Variants in DPY19L2 observed in about 807,000 individuals in gnomAD.
The protein encoded by DPY19L2 is probable C-mannosyltransferase DPY19L2.
In DPY19L2, 34 loss-of-function variants were observed where a neutral mutation model predicts 97.9. The ratio of observed to expected loss-of-function variants is 0.35; its 90% confidence interval spans 0.26 to 0.46. DPY19L2 has a LOEUF of 0.46. Ranked by LOEUF, DPY19L2 falls within the 20% of genes least tolerant of loss-of-function variation. The probability of loss-of-function intolerance (pLI) is 1.00; values close to 1 mark genes in which losing one functional copy is unlikely to be tolerated. For synonymous variants in DPY19L2, 230 were observed against 307.9 expected, an observed-to-expected ratio of 0.75 and a Z score of 2.65; for missense variants, 623 against 911.4, an observed-to-expected ratio of 0.68 and a Z score of 4.07.
At chr12:63,609,038 T>G (rs973021075) in intron 11 of DPY19L2, among the ~76,000 whole-genome samples, 3 of 152,100 alleles carry the variant, frequency 2.0e-5, no homozygotes, top group African/African-American at 7.2e-5. Context: ...AACATGAAAA[T>G]CCTTCCTCTC....
Position 63,624,107 on chromosome 12 carries a change from G to T in DPY19L2, c.886C>A (p.Pro296Thr). Reference protein sequence around the residue: ...GEATRVMWTPPLRESFSYPFL... With the variant: ...GEATRVMWTPTLRESFSYPFL... ...GGATAGGAAAAACTTTCACGGAGAG[G>T]TGGTGTCCACATCACACGGGTGGCC... The change falls in exon 8 of 22, where the codon CCT (proline) becomes ACT (threonine). Residue 296 changes from proline (P) to threonine (T), a missense_variant. Physicochemically the swap from Pro to Thr is conservative, Grantham distance 38. Coordinates refer to ENST00000324472, the MANE Select transcript of DPY19L2 (RefSeq NM_173812.5). 1 of 1,611,624 alleles carries T rather than the reference G, an allele frequency of 6.2e-7. No homozygotes were observed. The highest frequency in any genetic ancestry group is 2.2e-5 in the East Asian group (1 of 44,860).
At chr12:63,617,548 T>C (rs1209306613) in intron 10 of DPY19L2, among the ~76,000 whole-genome samples, 158 bp from the exon 11 acceptor site, 1 of 152,144 alleles carries the variant, frequency 6.6e-6, no homozygotes, top group African/African-American at 2.4e-5. Flanking sequence ...TGCTAGATTC[T>C]AAGTATTAAA....
At chr12:63,590,743 C>A (rs1882750550) in intron 16 of DPY19L2, among the ~76,000 whole-genome samples, 1 of 152,066 alleles carries the variant, frequency 6.6e-6, no homozygotes, top group Non-Finnish European at 1.5e-5. Flanking sequence ...GGGAGCAGAT[C>A]TAAGAGAGGG....
chr12:63,655,494 T>C (rs141608235), intron 4 of DPY19L2, among the ~76,000 whole-genome samples: 9 of 152,084 alleles, frequency 5.9e-5, no homozygotes, highest in Admixed American at 1.3e-4. Flanking sequence ...AGGAAATACA[T>C]AATGGGCATG....
intron 7 of DPY19L2, among the ~76,000 whole-genome samples, chr12:63,625,841 A>C (rs2659933): frequency 6.6e-6 from 1 of 151,878 alleles, no homozygotes; most frequent in South Asian, 2.1e-4. Context: ...GCTATACAAC[A>C]TTGTGTTAAT....
At chr12:63,663,974 C>T (rs1896016795) in intron 2 of DPY19L2, 129 bp from the exon 3 acceptor site, 10 of 645,334 alleles carry the variant, frequency 1.5e-5, no homozygotes, top group Non-Finnish European at 2.6e-5. Flanking sequence ...TGCTTACTAA[C>T]TTGTATGTTT....
intron 21 of DPY19L2, among the ~76,000 whole-genome samples, chr12:63,568,902 C>T (rs181825831): frequency 7.9e-4 from 120 of 151,986 alleles, no homozygotes; most frequent in African/African-American, 2.3e-3. Flanking sequence ...CAATATCTCA[C>T]TTTGTTGTAA....
intron 16 of DPY19L2, among the ~76,000 whole-genome samples, chr12:63,589,394 T>TAAAAAAAAAAAAAAAAAAAAA (rs1882478786): frequency 2.1e-4 from 9 of 43,720 alleles, no homozygotes; most frequent in South Asian, 9.6e-4. Context: ...AAAAAAAAAG[T>TAAAAAAAAAAAAAAAAAAAAA]AAAGCAGCTT....
At chr12:63,636,243 C>T (rs1219909957) in intron 6 of DPY19L2, among the ~76,000 whole-genome samples, 2 of 152,042 alleles carry the variant, frequency 1.3e-5, no homozygotes, top group Non-Finnish European at 2.9e-5. Flanking sequence ...ATTTTGTCAC[C>T]ACCAGGCCTG....
chr12:63,624,581 G>C (rs1226951665), intron 7 of DPY19L2, among the ~76,000 whole-genome samples: 1 of 152,066 alleles, frequency 6.6e-6, no homozygotes, highest in Non-Finnish European at 1.5e-5. Flanking sequence ...AAGTAGGAAT[G>C]AATATAAATA....
chr12:63,605,172 T>C (rs1221413541), intron 12 of DPY19L2, among the ~76,000 whole-genome samples: 4 of 152,144 alleles, frequency 2.6e-5, no homozygotes, highest in Non-Finnish European at 4.4e-5. Flanking sequence ...GTACTTCCCA[T>C]GTCCTGTTGC....
In DPY19L2 at chr12:63,651,888, G is replaced by A. The variant is rs1487160021; in HGVS notation, c.589-4523C>T. ...TCTTAATCTGATTGGTGGCCTAGCT[G>A]CGGCTTGCCATGACTCCTTCCTCAA... On this transcript the variant is annotated intron_variant, in intron 4 of 21. Coordinates refer to ENST00000324472, the MANE Select transcript of DPY19L2 (RefSeq NM_173812.5). 7.6e-6 allele frequency: 3 copies of A among 395,266 alleles called. No homozygotes were observed. The East Asian group carries it at 2.4e-4, about 32-fold the overall frequency. The allele number at this position is 395,266 out of a possible 1,614,324, so 24.5% of individuals were successfully genotyped here. A position where few individuals can be genotyped will look rare whatever the true frequency, so the allele number is the denominator to read the frequency against.
At chr12:63,593,799 TA>T (rs58893287) in intron 16 of DPY19L2, among the ~76,000 whole-genome samples, 28,937 of 151,270 alleles carry the variant, frequency 0.19, 4,083 homozygotes, top group African/African-American at 0.42. Context: ...ATAATAAAAA[TA>T]AAAAAAAATA....
intron 6 of DPY19L2, among the ~76,000 whole-genome samples, chr12:63,630,485 G>A (rs887399640): frequency 1.3e-5 from 2 of 152,024 alleles, no homozygotes; most frequent in Non-Finnish European, 2.9e-5. Context: ...ATTATATAAT[G>A]GTAAAGGGAT....
Position 63,617,335 on chromosome 12 carries a change from G to T in DPY19L2, c.1187C>A (p.Ser396Tyr), listed in dbSNP as rs567228205. Residue 396 changes from serine (S) to tyrosine (Y), a missense_variant, in exon 11 of 22, where the codon TCT (serine) becomes TAT (tyrosine). By Grantham distance (144) the Ser-to-Tyr change is moderately radical (BLOSUM62 -2). Transcript: ENST00000324472. Reference protein sequence around the residue: ...LMFGNSMYLSSYYSSSLLMTW... With the variant: ...LMFGNSMYLSYYYSSSLLMTW... ...CATTAACAAAGATGAAGAATAATAA[G>T]AAGATAAGTACATTGAATTTCCAAA... The T allele has an allele frequency of 6.9e-6, 11 of 1,596,778 alleles. No homozygotes were observed. The highest frequency in any genetic ancestry group is 2.2e-5 in the South Asian group (2 of 89,066).
intron 6 of DPY19L2, among the ~76,000 whole-genome samples, chr12:63,643,954 C>T (rs140119868): frequency 1.3e-5 from 2 of 152,240 alleles, no homozygotes; most frequent in Non-Finnish European, 2.9e-5. Context: ...AGACTGGTCT[C>T]GCTGCTGCTT....
At chr12:63,617,889 G>A (rs1328483556) in intron 10 of DPY19L2, among the ~76,000 whole-genome samples, 1 of 152,008 alleles carries the variant, frequency 6.6e-6, no homozygotes, top group East Asian at 1.9e-4. Context: ...AGAAAAGGCA[G>A]TTTTAAAAGT....
At chr12:63,626,259 T>C (rs1157989295) in intron 7 of DPY19L2, among the ~76,000 whole-genome samples, 1 of 151,604 alleles carries the variant, frequency 6.6e-6, no homozygotes, top group Non-Finnish European at 1.5e-5. Context: ...ATATATTTAC[T>C]AAAAATAAGG....
intron 6 of DPY19L2, among the ~76,000 whole-genome samples, chr12:63,631,896 A>G (rs1434157022): frequency 6.6e-6 from 1 of 152,172 alleles, no homozygotes; most frequent in East Asian, 1.9e-4. Flanking sequence ...CCTGGGATGC[A>G]AGGCTAGTTC....
Sources: gnomAD v4.1 joint callset for allele counts (sites outside exome capture counted in the v4.1 genomes callset) on GRCh38, gnomAD v4.1.1 for gene constraint, MANE v1.5 for transcripts, NCBI Gene and HGNC (gene_info 2026-07-23, HGNC 2026-07-21) for gene names.